Variants in NBAS observed in about 807,000 individuals in gnomAD.
The protein encoded by NBAS is NAG/BC035112 fusion.
A neutral mutation model predicts 302.5 loss-of-function variants in NBAS; 219 were observed. That is an observed-to-expected ratio of 0.72 (90% confidence interval 0.65 to 0.81). The LOEUF (loss-of-function observed/expected upper bound fraction) is 0.81, where lower values mean the gene tolerates loss of function less well. Ranked by LOEUF, NBAS falls within the 30% of genes least tolerant of loss-of-function variation. NBAS has a pLI of 0.00. For synonymous variants in NBAS, 1,118 were observed against 1,021.6 expected, an observed-to-expected ratio of 1.09 and a Z score of -1.80; for missense variants, 2,932 against 2,841.6, an observed-to-expected ratio of 1.03 and a Z score of -0.72.
At chr2:15,086,239 T>A in the NBAS span, among the ~76,000 whole-genome samples, 3 of 152,254 alleles carry the variant, frequency 2.0e-5, no homozygotes, top group Non-Finnish European at 2.9e-5. Flanking sequence ...GAGCAACCTA[T>A]CCCAGGGTCT....
At chr2:15,271,805 T>C (rs144120394) in intron 44 of NBAS, among the ~76,000 whole-genome samples, 2,656 of 152,326 alleles carry the variant, frequency 0.017, 37 homozygotes, top group Middle Eastern at 0.031. Context: ...TACAACCATT[T>C]TCCTGGATTT....
intron 22 of NBAS, among the ~76,000 whole-genome samples, chr2:15,425,768 G>C (rs1279571376): frequency 6.6e-6 from 1 of 152,104 alleles, no homozygotes; most frequent in Admixed American, 6.6e-5. Context: ...AGAAAAAGGG[G>C]CCAACAGTAA....
chr2:14,897,624 T>A, the NBAS span, among the ~76,000 whole-genome samples: 4 of 152,026 alleles, frequency 2.6e-5, no homozygotes, highest in African/African-American at 9.7e-5. Context: ...TTTTTTTTTT[T>A]TTTCCAAAGA....
At chr2:15,538,991 T>C (rs1406246610) in intron 7 of NBAS, among the ~76,000 whole-genome samples, 1 of 152,194 alleles carries the variant, frequency 6.6e-6, no homozygotes, top group African/African-American at 2.4e-5. Flanking sequence ...TGTACCTATA[T>C]TTAGTGTTTA....
chr2:15,196,879 C>G (rs560995396), intron 48 of NBAS, among the ~76,000 whole-genome samples: 9 of 152,228 alleles, frequency 5.9e-5, no homozygotes, highest in African/African-American at 2.2e-4. Flanking sequence ...AATTGGCATG[C>G]CTGTTTAACA....
At chr2:15,289,475 G>A (rs1028727456) in intron 41 of NBAS, among the ~76,000 whole-genome samples, 1 of 152,060 alleles carries the variant, frequency 6.6e-6, no homozygotes, top group Non-Finnish European at 1.5e-5. Flanking sequence ...TTGAGAACAG[G>A]GGACCATTAC....
At chr2:15,385,355 G>A (rs1361211868) in intron 28 of NBAS, among the ~76,000 whole-genome samples, 1 of 152,158 alleles carries the variant, frequency 6.6e-6, no homozygotes, top group Non-Finnish European at 1.5e-5. Flanking sequence ...CTGTCTAGCT[G>A]AATTCAATTT....
At chr2:15,496,820 A>G (rs1300872197) in intron 11 of NBAS, among the ~76,000 whole-genome samples, 1 of 152,246 alleles carries the variant, frequency 6.6e-6, no homozygotes, top group Admixed American at 6.5e-5. Context: ...ATGAAAATAC[A>G]GATTAGGTAT....
the NBAS span, among the ~76,000 whole-genome samples, chr2:14,813,986 C>G: frequency 1.3e-5 from 2 of 152,166 alleles, no homozygotes; most frequent in Non-Finnish European, 2.9e-5. Context: ...CTAGTCATAG[C>G]TAAAATGGAT....
chr2:15,159,818 C>T, the NBAS span, among the ~76,000 whole-genome samples: 2 of 151,838 alleles, frequency 1.3e-5, no homozygotes, highest in Admixed American at 6.6e-5. Flanking sequence ...CACACACACA[C>T]ACACACACAC....
At chr2:14,874,818 G>C in the NBAS span, among the ~76,000 whole-genome samples, 244 of 148,828 alleles carry the variant, frequency 1.6e-3, 2 homozygotes, top group African/African-American at 5.9e-3. Flanking sequence ...GACCAAGTGG[G>C]ATTTTCTCAG....
intron 51 of NBAS, 58 bp from the exon 52 acceptor site, chr2:15,167,381 T>C: frequency 2.5e-6 from 4 of 1,595,580 alleles, no homozygotes; most frequent in Non-Finnish European, 3.4e-6. Flanking sequence ...CGCCTCCCCC[T>C]TGGATCCCTC....
chr2:14,943,521 A>G, the NBAS span, among the ~76,000 whole-genome samples: 7 of 152,226 alleles, frequency 4.6e-5, 1 homozygote, highest in Admixed American at 1.3e-4. Context: ...TAATATTTGG[A>G]AGAAAACATT....
At chr2:14,936,181 C>T in the NBAS span, among the ~76,000 whole-genome samples, 1 of 152,190 alleles carries the variant, frequency 6.6e-6, no homozygotes, top group African/African-American at 2.4e-5. Flanking sequence ...AAAACAAACA[C>T]TGCAGGAAAA....
downstream of NBAS, chr2:15,166,900 A>G (rs1664042106): frequency 4.6e-6 from 5 of 1,081,894 alleles, no homozygotes; most frequent in Non-Finnish European, 6.3e-6. Flanking sequence ...AGGTTAAAAA[A>G]GCGGCAGCTT....
At chr2:15,267,420 TGTG>T (rs1218569665) in intron 44 of NBAS, among the ~76,000 whole-genome samples, 1 of 152,236 alleles carries the variant, frequency 6.6e-6, no homozygotes, top group African/African-American at 2.4e-5. Context: ...ATAAACAGTT[TGTG>T]TTCTCTAACC....
At chr2:15,024,050 T>A in the NBAS span, among the ~76,000 whole-genome samples, 1 of 152,078 alleles carries the variant, frequency 6.6e-6, no homozygotes, top group Non-Finnish European at 1.5e-5. Flanking sequence ...GGGTTTGGCA[T>A]ACAGATTATT....
intron 9 of NBAS, among the ~76,000 whole-genome samples, chr2:15,516,810 C>A (rs139067788): frequency 6.6e-6 from 1 of 151,660 alleles, no homozygotes; most frequent in East Asian, 1.9e-4. Context: ...TTATAAAGAT[C>A]TCCCAAAACC....
intron 32 of NBAS, among the ~76,000 whole-genome samples, chr2:15,359,425 A>C (rs369812675): frequency 6.6e-6 from 1 of 152,216 alleles, no homozygotes; most frequent in Non-Finnish European, 1.5e-5. Context: ...AACCTTAAAC[A>C]CAAAATAAGT....
Sources: gnomAD v4.1 joint callset for allele counts (sites outside exome capture counted in the v4.1 genomes callset) on GRCh38, gnomAD v4.1.1 for gene constraint, MANE v1.5 for transcripts, NCBI Gene and HGNC (gene_info 2026-07-23, HGNC 2026-07-21) for gene names.